The following WDR12 variants were observed in gnomAD, a reference collection of about 807,000 sequenced individuals.
The protein encoded by WDR12 is WD repeat domain 12, also known as ribosome biogenesis protein WDR12.
In WDR12, 42 loss-of-function variants were observed where a neutral mutation model predicts 64.3. That is an observed-to-expected ratio of 0.65 (90% CI 0.51 to 0.84). The LOEUF is 0.84. WDR12 is among the 40% of genes least tolerant of loss of function. WDR12 has a pLI of 0.00. For synonymous variants in WDR12, 158 were observed against 173.3 expected (o/e 0.91, Z 0.70); for missense variants, 469 against 494.6 (o/e 0.95, Z 0.49).
intron 2 of WDR12, among the ~76,000 whole-genome samples, chr2:202,903,705 T>A (rs1171735070): frequency 6.6e-6 from 1 of 152,182 alleles, no homozygotes; most frequent in Non-Finnish European, 1.5e-5. Context: ...TCAGTAGCAT[T>A]TCTATATGCT....
intron 2 of WDR12, among the ~76,000 whole-genome samples, chr2:202,902,828 G>A (rs1688373442): frequency 6.6e-6 from 1 of 152,176 alleles, no homozygotes; most frequent in Admixed American, 6.5e-5. Flanking sequence ...GCTGTGCGCA[G>A]TGGCTCACAC....
chr2:202,888,541 A>G (rs1688091732), intron 8 of WDR12, among the ~76,000 whole-genome samples: 1 of 152,230 alleles, frequency 6.6e-6, no homozygotes, highest in Admixed American at 6.5e-5. Context: ...AATTTTGAGA[A>G]TTAAGGAGGA....
At chr2:202,897,548 A>G in intron 4 of WDR12, 133 bp from the exon 5 acceptor site, 2 of 477,332 alleles carry the variant, frequency 4.2e-6, no homozygotes, top group East Asian at 7.1e-5. Context: ...TTGAGATTTC[A>G]AGCCATACTA....
chr2:202,904,250 T>C (rs1462452413), intron 2 of WDR12, among the ~76,000 whole-genome samples: 4 of 151,636 alleles, frequency 2.6e-5, no homozygotes, highest in African/African-American at 9.7e-5. Context: ...AATTTAATAT[T>C]GTTAAAATGT....
rs909177727 is a variant in WDR12, at chr2:202,908,086, T to C, written c.42-127A>G. ...CATCCAGACATTTTGCTACATGTTG[T>C]AAACAAAAATGAATTAAAACATGGT... On this transcript the variant is annotated intron_variant, in intron 1 of 12. Coordinates refer to ENST00000261015, the MANE Select transcript of WDR12 (RefSeq NM_018256.4). 18 of 830,446 alleles carry C rather than the reference T, an allele frequency of 2.2e-5. No individual in the cohort carries two copies. In the African/African-American group the frequency reaches 2.2e-4, roughly 10 times the overall value. The allele number at this position is 830,446 out of a possible 1,614,324, so 51.4% of individuals were successfully genotyped here. A position where few individuals can be genotyped will look rare whatever the true frequency, so the allele number is the denominator to read the frequency against.
At chr2:202,890,329 AAAACT>A (rs1688132186) in intron 8 of WDR12, among the ~76,000 whole-genome samples, 1 of 152,218 alleles carries the variant, frequency 6.6e-6, no homozygotes, top group South Asian at 2.1e-4. Flanking sequence ...AAAAATAGGT[AAAACT>A]AATCTAAGAT....
chr2:202,911,207 A>T (rs182288881), intron 1 of WDR12, among the ~76,000 whole-genome samples: 1 of 152,330 alleles, frequency 6.6e-6, no homozygotes, highest in East Asian at 1.9e-4. Context: ...TCATTTTTAA[A>T]TTACACATAT....
chr2:202,894,499 G>A (rs1300225892), intron 7 of WDR12, 82 bp downstream of exon 7: 2 of 1,232,056 alleles, frequency 1.6e-6, no homozygotes, highest in Admixed American at 2.5e-5. Context: ...TGAGATTATA[G>A]GCGTAAGCCA....
chr2:202,886,684 T>C (rs1037669599), intron 8 of WDR12, among the ~76,000 whole-genome samples: 6 of 149,604 alleles, frequency 4.0e-5, no homozygotes, highest in Non-Finnish European at 7.4e-5. Flanking sequence ...GGAGAATCGC[T>C]TGAACCCAGG....
At chr2:202,885,013 A>T (rs1411412170) in intron 8 of WDR12, among the ~76,000 whole-genome samples, 9 of 152,218 alleles carry the variant, frequency 5.9e-5, no homozygotes, top group Admixed American at 2.6e-4. Context: ...TTCTGGGAAT[A>T]TAACATCCTG....
chr2:202,890,328 T>C (rs781666134), intron 8 of WDR12, among the ~76,000 whole-genome samples: 1 of 152,094 alleles, frequency 6.6e-6, no homozygotes, highest in African/African-American at 2.4e-5. Context: ...TAAAAATAGG[T>C]AAAACTAATC....
Position 202,897,385 on chromosome 2 carries a change from A to C in WDR12, c.369T>G (p.Ser123=). The C allele has an allele frequency of 6.3e-7, 1 of 1,592,386 alleles. No homozygotes were observed. The change falls in exon 5 of 13, where the codon TCT becomes TCG. Residue 123 remains serine (S), a synonymous_variant. Transcript: ENST00000261015. ...WILTGSYDKT[S]RIWSLEGKSI... Reference sequence around the variant, plus strand: ...ACTTTCCTTCCAAGGACCAGATCCGAGAAGTCTTATCATAAGAACCAGTCA... The same window carrying C: ...ACTTTCCTTCCAAGGACCAGATCCGCGAAGTCTTATCATAAGAACCAGTCA...
chr2:202,889,361 A>AAACAAC (rs922672883), intron 8 of WDR12, among the ~76,000 whole-genome samples: 1 of 152,160 alleles, frequency 6.6e-6, no homozygotes, highest in Non-Finnish European at 1.5e-5. Context: ...AAACAAAGCA[A>AAACAAC]AACAACAACA....
intron 8 of WDR12, among the ~76,000 whole-genome samples, chr2:202,887,563 C>T (rs188945576): frequency 6.6e-6 from 1 of 152,226 alleles, no homozygotes; most frequent in Admixed American, 6.5e-5. Context: ...GAAAAGGTGA[C>T]ATAGAGGTAA....
At chr2:202,893,746 C>T (rs1301523373) in intron 7 of WDR12, among the ~76,000 whole-genome samples, 2 of 152,000 alleles carry the variant, frequency 1.3e-5, no homozygotes, top group African/African-American at 2.4e-5. Flanking sequence ...TGTGTTTTTT[C>T]CTCTTTTCTT....
rs2105902488 is a variant in WDR12 at position 202,882,693 on chromosome 2, T to C, written c.1194+18A>G. On this transcript the variant is annotated intron_variant, in intron 12 of 12. Coordinates refer to ENST00000261015, the MANE Select transcript of WDR12 (RefSeq NM_018256.4). ...TCTAGTCACTTTCCTCTTCATCAAA[T>C]AACTAATAAATTCTTACCCCTGTGT... The C allele has an allele frequency of 1.9e-6, 3 of 1,607,300 alleles. No individual in the cohort carries two copies. The highest frequency in any genetic ancestry group is 2.6e-6 in the Non-Finnish European group (3 of 1,174,480).
rs60735682 is a variant in WDR12, at chr2:202,886,767, CAAAAAAAAAAA to C, written c.742-2243_742-2233del. Among the ~76,000 whole-genome samples, 16 of 79,052 alleles carry C rather than the reference CAAAAAAAAAAA, an allele frequency of 2.0e-4. No homozygotes were observed. The Admixed American group carries it at 2.3e-3, about 11-fold the overall frequency. The allele number at this position is 79,052 out of a possible 152,430, so 51.9% of individuals were successfully genotyped here. A position where few individuals can be genotyped will look rare whatever the true frequency, so the allele number is the denominator to read the frequency against. ...GGGCAACAAGAGTGAAACTCCATCT[CAAAAAAAAAAA>C]AAAAAAAAAGAGGAAAAGAATTCTG... On this transcript the variant is annotated intron_variant, in intron 8 of 12. Transcript: ENST00000261015.
At chr2:202,905,333 A>G (rs1401709950) in intron 2 of WDR12, among the ~76,000 whole-genome samples, 1 of 152,188 alleles carries the variant, frequency 6.6e-6, no homozygotes, top group African/African-American at 2.4e-5. Context: ...TGTAGTAGAG[A>G]TGGGGTTTAC....
At chr2:202,908,938 T>C (rs921557637) in intron 1 of WDR12, among the ~76,000 whole-genome samples, 18 of 152,222 alleles carry the variant, frequency 1.2e-4, no homozygotes, top group African/African-American at 4.3e-4. Flanking sequence ...AATAGGGACA[T>C]GCAAATGCTC....
Sources: allele counts gnomAD v4.1 joint callset (sites outside exome capture counted in the v4.1 genomes callset), GRCh38; gene constraint gnomAD v4.1.1; transcripts MANE v1.5; gene names NCBI Gene and HGNC (gene_info 2026-07-23, HGNC 2026-07-21).